Variants in PLXDC2 observed in about 807,000 individuals in gnomAD.
PLXDC2 encodes the protein plexin domain containing 2, also known as plexin domain-containing protein 2.
In PLXDC2, 40 loss-of-function variants were observed where a neutral mutation model predicts 68.9. The ratio of observed to expected loss-of-function variants is 0.58; its 90% CI spans 0.45 to 0.76. The LOEUF (loss-of-function observed/expected upper bound fraction) is 0.76. Among genes scored for constraint, PLXDC2 ranks in the 30% least tolerant of loss-of-function variants. The probability of loss-of-function intolerance (pLI) is 0.00; values close to 1 mark genes in which losing one functional copy is unlikely to be tolerated. For missense variants in PLXDC2, 644 were observed against 661.9 expected, an observed-to-expected ratio of 0.97 and a Z score of 0.30; for synonymous variants, 243 against 234.2, an observed-to-expected ratio of 1.04 and a Z score of -0.34.
chr10:20,122,801 T>C (rs1833717813), intron 4 of PLXDC2, among the ~76,000 whole-genome samples: 2 of 152,070 alleles, frequency 1.3e-5, no homozygotes, highest in Admixed American at 1.3e-4. Context: ...TGTTGTGGGG[T>C]TTGAGGGCCG....
intron 3 of PLXDC2, among the ~76,000 whole-genome samples, chr10:20,051,156 T>C (rs1221987640): frequency 6.6e-6 from 1 of 151,882 alleles, no homozygotes; most frequent in African/African-American, 2.4e-5. Context: ...ATACACCATG[T>C]TCTCACTTAT....
rs528415933 is a variant in PLXDC2 at position 20,125,798 on chromosome 10, G to C, written c.542-17497G>C. The stretch of plus-strand genomic sequence containing the variant: ...GTGTTATTTAAAGGGATTAGTTTTA[G>C]CCTCATTTTATAGAGGAGATTGCAA... On this transcript the variant is annotated intron_variant, in intron 4 of 13. Coordinates refer to ENST00000377252, the MANE Select transcript of PLXDC2 (RefSeq NM_032812.9). Among the ~76,000 whole-genome samples the C allele has an allele frequency of 7.3e-4, 111 of 152,110 alleles. No homozygotes were observed. The South Asian group carries it at 0.023, about 31-fold the overall frequency.
At chr10:19,852,263 G>A (rs1837131893) in intron 1 of PLXDC2, among the ~76,000 whole-genome samples, 1 of 151,358 alleles carries the variant, frequency 6.6e-6, no homozygotes, top group Non-Finnish European at 1.5e-5. Flanking sequence ...AATTAGCCAG[G>A]CATGCTGGCT....
At chr10:19,951,249 A>G (rs1162965478) in intron 1 of PLXDC2, among the ~76,000 whole-genome samples, 1 of 152,204 alleles carries the variant, frequency 6.6e-6, no homozygotes, top group East Asian at 1.9e-4. Context: ...TGATCTGACA[A>G]ATGTCTAATA....
At chr10:19,937,151 A>G (rs1833738501) in intron 1 of PLXDC2, among the ~76,000 whole-genome samples, 2 of 152,140 alleles carry the variant, frequency 1.3e-5, no homozygotes, top group South Asian at 4.2e-4. Flanking sequence ...TTCATCCTCC[A>G]CAATGATCTC....
chr10:20,071,927 A>G (rs957676783), intron 4 of PLXDC2, among the ~76,000 whole-genome samples: 2 of 152,174 alleles, frequency 1.3e-5, no homozygotes, highest in African/African-American at 4.8e-5. Flanking sequence ...GCTGAGTTAA[A>G]TGACAGTGCT....
chr10:19,963,690 G>A (rs201355715), intron 1 of PLXDC2, among the ~76,000 whole-genome samples: 1 of 152,068 alleles, frequency 6.6e-6, no homozygotes, highest in East Asian at 1.9e-4. Flanking sequence ...CCTGTTGTGG[G>A]GTGGGGCGAG....
chr10:19,949,611 A>T (rs1239089047), intron 1 of PLXDC2, among the ~76,000 whole-genome samples: 1 of 152,232 alleles, frequency 6.6e-6, no homozygotes, highest in East Asian at 1.9e-4. Context: ...TATAAGAAAT[A>T]TTCATTCCTT....
At chr10:19,909,879 T>C (rs1199662202) in intron 1 of PLXDC2, among the ~76,000 whole-genome samples, 1 of 152,084 alleles carries the variant, frequency 6.6e-6, no homozygotes, top group Non-Finnish European at 1.5e-5. Flanking sequence ...ATAAAATGAG[T>C]GTATGTTCAA....
intron 1 of PLXDC2, among the ~76,000 whole-genome samples, chr10:19,948,390 C>T (rs367669822): frequency 6.9e-6 from 1 of 144,976 alleles, no homozygotes; most frequent in South Asian, 2.2e-4. Flanking sequence ...TTCTTTCTTT[C>T]TTTTTTTTTT....
chr10:19,925,032 T>G (rs1187346916), intron 1 of PLXDC2, among the ~76,000 whole-genome samples: 1 of 152,186 alleles, frequency 6.6e-6, no homozygotes, highest in Admixed American at 6.6e-5. Context: ...GGGGTGAAGT[T>G]AAAGGTCTGC....
At chr10:19,859,942 G>C (rs893992820) in intron 1 of PLXDC2, among the ~76,000 whole-genome samples, 1 of 152,088 alleles carries the variant, frequency 6.6e-6, no homozygotes, top group Admixed American at 6.6e-5. Flanking sequence ...ATGTTGTGCA[G>C]GCTGCTCAAA....
At chr10:19,971,262 G>T (rs560399233) in intron 1 of PLXDC2, among the ~76,000 whole-genome samples, 5 of 152,128 alleles carry the variant, frequency 3.3e-5, no homozygotes, top group African/African-American at 1.2e-4. Context: ...ATGTGCCTGT[G>T]TTTTTTATAT....
intron 6 of PLXDC2, among the ~76,000 whole-genome samples, chr10:20,158,410 C>T (rs904850242): frequency 1.6e-4 from 23 of 147,780 alleles, no homozygotes; most frequent in Non-Finnish European, 2.5e-4. Context: ...CTTGTTTATA[C>T]ATACACATAT....
intron 12 of PLXDC2, among the ~76,000 whole-genome samples, chr10:20,220,842 T>C (rs1250791236): frequency 6.7e-6 from 1 of 148,756 alleles, no homozygotes; most frequent in African/African-American, 2.5e-5. Context: ...TTAACACTTT[T>C]TTTTTTTTTT....
chr10:19,989,895 A>G (rs894980901), intron 1 of PLXDC2, among the ~76,000 whole-genome samples: 2 of 151,802 alleles, frequency 1.3e-5, no homozygotes, highest in African/African-American at 4.8e-5. Flanking sequence ...GATTGCAAGC[A>G]TTCGCCACCA....
chr10:19,941,092 T>C (rs952816573), intron 1 of PLXDC2, among the ~76,000 whole-genome samples: 3 of 152,246 alleles, frequency 2.0e-5, no homozygotes, highest in African/African-American at 7.2e-5. Context: ...CCTAGTGGAA[T>C]TTCCCATGCC....
intron 9 of PLXDC2, among the ~76,000 whole-genome samples, chr10:20,202,424 T>C (rs539171362): frequency 1.7e-4 from 26 of 152,286 alleles, no homozygotes; most frequent in African/African-American, 6.0e-4. Flanking sequence ...CAGTGAGGAA[T>C]TCGGGTTTCA....
At chr10:19,920,983 AG>A (rs781730597) in intron 1 of PLXDC2, among the ~76,000 whole-genome samples, 3 of 151,892 alleles carry the variant, frequency 2.0e-5, no homozygotes, top group Non-Finnish European at 2.9e-5. Flanking sequence ...GCTGGAGTTC[AG>A]TGGCATGATC....
Sources: allele counts gnomAD v4.1 joint callset (sites outside exome capture counted in the v4.1 genomes callset), GRCh38; gene constraint gnomAD v4.1.1; transcripts MANE v1.5; gene names NCBI Gene and HGNC (gene_info 2026-07-23, HGNC 2026-07-21).